The following ADAMTSL1 variants were observed in gnomAD, a reference collection of about 807,000 sequenced individuals.
ADAMTSL1 encodes the protein ADAMTS like 1, also known as ADAMTS-like protein 1.
In ADAMTSL1, 126 loss-of-function variants were observed where a neutral mutation model predicts 201.8. The observed-to-expected ratio is 0.62, with a 90% CI of 0.54 to 0.72. The LOEUF is 0.72. Among genes scored for constraint, ADAMTSL1 ranks in the 30% least tolerant of loss-of-function variants. ADAMTSL1 has a pLI of 0.00. For missense variants in ADAMTSL1, 2,679 were observed against 2,277.8 expected (o/e 1.18, Z -3.59); for synonymous variants, 1,121 against 903.4 (o/e 1.24, Z -4.32).
chr9:18,214,018 T>C (rs1293190244), intron 2 of ADAMTSL1, among the ~76,000 whole-genome samples: 2 of 152,204 alleles, frequency 1.3e-5, no homozygotes, highest in East Asian at 3.9e-4. Flanking sequence ...ATTACAGGCA[T>C]GAGCCACCGC....
chr9:18,063,273 C>A (rs1264275224), intron 1 of ADAMTSL1, among the ~76,000 whole-genome samples: 1 of 152,166 alleles, frequency 6.6e-6, no homozygotes, highest in Non-Finnish European at 1.5e-5. Context: ...CACTTGAGCC[C>A]AGGAGTTCAA....
intron 1 of ADAMTSL1, among the ~76,000 whole-genome samples, chr9:18,055,906 C>G (rs1822159877): frequency 6.6e-6 from 1 of 152,186 alleles, no homozygotes. Flanking sequence ...ATTAACTATG[C>G]TTTCAGGTTT....
intron 9 of ADAMTSL1, among the ~76,000 whole-genome samples, chr9:18,668,511 C>T (rs960903043): frequency 6.6e-6 from 1 of 152,040 alleles, no homozygotes; most frequent in Non-Finnish European, 1.5e-5. Flanking sequence ...TTTAATTGGC[C>T]TGTGAGTTAA....
At chr9:18,133,406 G>A (rs922348919) in intron 1 of ADAMTSL1, among the ~76,000 whole-genome samples, 4 of 152,080 alleles carry the variant, frequency 2.6e-5, no homozygotes, top group African/African-American at 9.7e-5. Flanking sequence ...TATTGAGCTG[G>A]GTGGGCCAGG....
intron 1 of ADAMTSL1, among the ~76,000 whole-genome samples, chr9:18,135,047 C>CAA (rs1826102858): frequency 6.6e-6 from 1 of 152,106 alleles, no homozygotes; most frequent in Admixed American, 6.5e-5. Flanking sequence ...CTTTTCTTTT[C>CAA]TCATTGTTGA....
intron 15 of ADAMTSL1, among the ~76,000 whole-genome samples, chr9:18,724,478 T>C (rs996944796): frequency 1.3e-5 from 2 of 152,248 alleles, no homozygotes; most frequent in Non-Finnish European, 2.9e-5. Flanking sequence ...AATAGGAAGA[T>C]GTCTTCTCAA....
chr9:18,712,804 C>T (rs1169742075), intron 14 of ADAMTSL1, among the ~76,000 whole-genome samples: 19 of 151,710 alleles, frequency 1.3e-4, no homozygotes, highest in Admixed American at 1.2e-3. Context: ...TTGTCAGATT[C>T]ACCAACATTG....
intron 2 of ADAMTSL1, among the ~76,000 whole-genome samples, chr9:18,250,444 G>A (rs1415312438): frequency 6.6e-6 from 1 of 152,206 alleles, no homozygotes; most frequent in Non-Finnish European, 1.5e-5. Flanking sequence ...AAAGAAGTAG[G>A]GGATGTGGTT....
At chr9:18,643,869 T>C (rs1445473838) in intron 7 of ADAMTSL1, among the ~76,000 whole-genome samples, 1 of 152,036 alleles carries the variant, frequency 6.6e-6, no homozygotes, top group Non-Finnish European at 1.5e-5. Context: ...TTGGGGTATT[T>C]TGTGGTTCCA....
chr9:17,914,711 A>G lies in ADAMTSL1; in HGVS notation c.87+7789A>G, dbSNP rs555892953. ...AGAAGGAAATAAACGGTATTCAATT[A>G]GGAAAAGAGGAAGTCAAATTGTCCC... On this transcript the variant is annotated intron_variant, in intron 1 of 29. Transcript: ENST00000680146. Among the ~76,000 whole-genome samples the G allele has an allele frequency of 1.2e-3, 181 of 152,142 alleles. 6 individuals are homozygous for G. The South Asian group carries it at 0.036, about 30-fold the overall frequency.
At chr9:18,860,533 C>G (rs1214227442) in intron 23 of ADAMTSL1, among the ~76,000 whole-genome samples, 1 of 152,090 alleles carries the variant, frequency 6.6e-6, no homozygotes. Context: ...TTGCCAACTC[C>G]TGCTCTGGCC....
At chr9:18,799,681 G>T (rs1190129523) in intron 20 of ADAMTSL1, among the ~76,000 whole-genome samples, 1 of 152,202 alleles carries the variant, frequency 6.6e-6, no homozygotes, top group Non-Finnish European at 1.5e-5. Flanking sequence ...AGAGAACACA[G>T]ATGAGCTCAT....
At chr9:18,727,466 C>G (rs920383597) in intron 15 of ADAMTSL1, among the ~76,000 whole-genome samples, 1 of 152,204 alleles carries the variant, frequency 6.6e-6, no homozygotes, top group African/African-American at 2.4e-5. Context: ...TTCAGATGTA[C>G]TTACACTGTC....
At chr9:18,518,040 C>A (rs930856090) in intron 2 of ADAMTSL1, among the ~76,000 whole-genome samples, 2 of 152,010 alleles carry the variant, frequency 1.3e-5, no homozygotes, top group African/African-American at 4.8e-5. Flanking sequence ...CCTTCTCTCA[C>A]GAAATATTTG....
At chr9:18,795,620 A>G (rs1822376929) in intron 20 of ADAMTSL1, 96 bp downstream of exon 20, 1 of 1,319,084 alleles carries the variant, frequency 7.6e-7, no homozygotes, top group African/African-American at 1.5e-5. Context: ...TAGATAAAGG[A>G]GACCCAGATC....
Position 18,279,892 on chromosome 9 carries a change from G to C in ADAMTSL1, c.207+115911G>C, listed in dbSNP as rs1281442980. Among the ~76,000 whole-genome samples, 3 of 152,056 alleles carry C rather than the reference G, an allele frequency of 2.0e-5. No homozygotes were observed. In the East Asian group the frequency reaches 5.9e-4, roughly 30 times the overall value. ...TCCCGGGGCCACCAGGACCAGCCTG[G>C]TGCTGGGGTGGGCCTGGAGGTGGAT... On this transcript the variant is annotated intron_variant, in intron 2 of 29. Coordinates refer to the ADAMTSL1 transcript ENST00000680146.
At chr9:18,774,826 A>G (rs1387852555) in intron 17 of ADAMTSL1, among the ~76,000 whole-genome samples, 2 of 152,148 alleles carry the variant, frequency 1.3e-5, no homozygotes, top group Non-Finnish European at 2.9e-5. Context: ...GCAATTATGA[A>G]TCATACTGCT....
intron 2 of ADAMTSL1, among the ~76,000 whole-genome samples, chr9:18,242,613 AC>A (rs958104084): frequency 3.6e-4 from 55 of 152,138 alleles, no homozygotes; most frequent in African/African-American, 1.3e-3. Context: ...TGTTAAAAAA[AC>A]TCAAAGATAC....
intron 9 of ADAMTSL1, among the ~76,000 whole-genome samples, chr9:18,662,785 G>A (rs1006996148): frequency 1.2e-4 from 18 of 152,148 alleles, no homozygotes; most frequent in African/African-American, 4.3e-4. Context: ...AGTAGTCATG[G>A]AAGTGCAGGT....
Sources: gnomAD v4.1 joint callset for allele counts (sites outside exome capture counted in the v4.1 genomes callset) on GRCh38, gnomAD v4.1.1 for gene constraint, MANE v1.5 for transcripts, NCBI Gene and HGNC (gene_info 2026-07-23, HGNC 2026-07-21) for gene names.